The following BABAM2 variants were observed in gnomAD, a reference collection of about 807,000 sequenced individuals.
BABAM2 encodes BRISC and BRCA1 A complex member 2, also known as BRISC and BRCA1-A complex member 2.
In BABAM2, 31 loss-of-function variants were observed where a neutral mutation model predicts 54.7. That is an observed-to-expected ratio of 0.57 (90% CI 0.43 to 0.77). BABAM2 has a LOEUF of 0.77. Among genes scored for constraint, BABAM2 ranks in the 30% least tolerant of loss-of-function variants. BABAM2 has a pLI of 0.00. For missense variants in BABAM2, 364 were observed against 455.8 expected (o/e 0.80, Z 1.83); for synonymous variants, 167 against 162.9 (o/e 1.03, Z -0.19).
chr2:28,009,461 T>C (rs1302872061), intron 4 of BABAM2, among the ~76,000 whole-genome samples: 1 of 152,148 alleles, frequency 6.6e-6, no homozygotes. Context: ...AGAAACCTAG[T>C]CTGTTTGACG....
At chr2:28,272,837 T>C (rs780831267) in intron 10 of BABAM2, among the ~76,000 whole-genome samples, 28 of 152,010 alleles carry the variant, frequency 1.8e-4, no homozygotes, top group Non-Finnish European at 1.2e-4. Flanking sequence ...GTGAGGGAGC[T>C]GGGGAAGGCT....
chr2:28,013,409 G>C (rs980649200), intron 4 of BABAM2: 1 of 455,486 alleles, frequency 2.2e-6, no homozygotes, highest in Non-Finnish European at 4.4e-6. Flanking sequence ...ATTTTGAAAA[G>C]TTCAGACTTA....
At chr2:28,173,613 T>G (rs543537184) in intron 7 of BABAM2, among the ~76,000 whole-genome samples, 99 of 152,376 alleles carry the variant, frequency 6.5e-4, no homozygotes, top group African/African-American at 2.0e-3. Context: ...AGGATCACAC[T>G]GCGTGTGGCT....
At chr2:28,153,178 A>G (rs1375967133) in intron 7 of BABAM2, among the ~76,000 whole-genome samples, 1 of 152,108 alleles carries the variant, frequency 6.6e-6, no homozygotes, top group Non-Finnish European at 1.5e-5. Flanking sequence ...AGGATTTCAG[A>G]TCCTGTTCCT....
chr2:27,911,222 A>G (rs1013543718), intron 2 of BABAM2, among the ~76,000 whole-genome samples: 5 of 152,178 alleles, frequency 3.3e-5, no homozygotes, highest in African/African-American at 7.2e-5. Context: ...GAACAGACTA[A>G]TACACTAGTA....
chr2:27,981,278 T>C (rs903543822), intron 3 of BABAM2, among the ~76,000 whole-genome samples: 5 of 152,154 alleles, frequency 3.3e-5, no homozygotes, highest in Non-Finnish European at 7.4e-5. Flanking sequence ...GTAAACACTT[T>C]GTAATTTATT....
At chr2:28,318,791 T>G (rs1262503562) in intron 11 of BABAM2, among the ~76,000 whole-genome samples, 1 of 152,192 alleles carries the variant, frequency 6.6e-6, no homozygotes, top group Non-Finnish European at 1.5e-5. Context: ...CATGGTTTAA[T>G]CTGACTGTCT....
At chr2:28,138,814 T>C (rs982490996) in intron 7 of BABAM2, among the ~76,000 whole-genome samples, 1 of 152,176 alleles carries the variant, frequency 6.6e-6, no homozygotes, top group Non-Finnish European at 1.5e-5. Context: ...TTGTGTGTCG[T>C]CTCTCATGTT....
chr2:28,047,362 ACT>A (rs1447688872), intron 6 of BABAM2, among the ~76,000 whole-genome samples: 2 of 152,010 alleles, frequency 1.3e-5, no homozygotes. Flanking sequence ...TCCAGTTAAA[ACT>A]CTCTTTCAGC....
intron 4 of BABAM2, among the ~76,000 whole-genome samples, chr2:27,992,831 CCCA>C (rs1468504691): frequency 2.0e-5 from 3 of 152,176 alleles, no homozygotes; most frequent in South Asian, 4.1e-4. Context: ...TAAACACACT[CCCA>C]CCTTAGGGCC....
At chr2:28,120,681 G>A (rs895648418) in intron 6 of BABAM2, among the ~76,000 whole-genome samples, 1 of 152,224 alleles carries the variant, frequency 6.6e-6, no homozygotes, top group African/African-American at 2.4e-5. Flanking sequence ...TAGGAAGAAG[G>A]AGATCTCTAC....
At chr2:27,981,971 C>T (rs1473552192) in intron 3 of BABAM2, among the ~76,000 whole-genome samples, 1 of 152,078 alleles carries the variant, frequency 6.6e-6, no homozygotes, top group Non-Finnish European at 1.5e-5. Flanking sequence ...TGCATTCACA[C>T]CAGCAGTGTA....
intron 6 of BABAM2, among the ~76,000 whole-genome samples, chr2:28,087,637 G>A (rs1665774524): frequency 1.3e-5 from 2 of 151,988 alleles, no homozygotes; most frequent in Admixed American, 6.6e-5. Flanking sequence ...TACCTTTGGG[G>A]GCTTCCTCAA....
intron 10 of BABAM2, among the ~76,000 whole-genome samples, chr2:28,261,527 G>A (rs1205687231): frequency 6.6e-6 from 1 of 151,770 alleles, no homozygotes; most frequent in Non-Finnish European, 1.5e-5. Context: ...TAGAGACAGT[G>A]TTTCATTTCA....
At chr2:27,914,551 A>G (rs75722077) in intron 2 of BABAM2, among the ~76,000 whole-genome samples, 13 of 152,182 alleles carry the variant, frequency 8.5e-5, no homozygotes, top group Admixed American at 6.5e-4. Context: ...GACCAAGTGT[A>G]GGGTTGAGTA....
intron 6 of BABAM2, among the ~76,000 whole-genome samples, chr2:28,074,611 G>A (rs548383800): frequency 2.3e-4 from 35 of 152,212 alleles, no homozygotes; most frequent in Admixed American, 1.0e-3. Flanking sequence ...AAGTCATGCC[G>A]TATTATACTG....
chr2:27,889,843 C>T (rs142916112), upstream of BABAM2: 1,257 of 167,878 alleles, frequency 7.5e-3, 14 homozygotes, highest in African/African-American at 0.029. Context: ...TGACAAAACA[C>T]TTTACTTCAT....
chr2:28,227,344 G>C (rs1050999851), intron 7 of BABAM2, among the ~76,000 whole-genome samples: 3 of 152,050 alleles, frequency 2.0e-5, no homozygotes, highest in Admixed American at 2.0e-4. Flanking sequence ...TTTCTCAATG[G>C]GCAAAAAGCT....
rs151255043 is a variant in BABAM2, at chr2:28,333,823, C to T, written c.1089-4627C>T. 4.8e-3 allele frequency among the ~76,000 whole-genome samples: 725 copies of T among 152,344 alleles called. 4 individuals carry two copies. Among genetic ancestry groups the T allele is most frequent in the South Asian group, 0.028 (133 of 4,830 alleles). ...TTCACTATCCCCTAGAACACGCTTACACTTTTAAAGCTTACTACATACTTT... is the reference window on the plus strand; with the variant it reads ...TTCACTATCCCCTAGAACACGCTTATACTTTTAAAGCTTACTACATACTTT... On this transcript the variant is annotated intron_variant, in intron 11 of 11. Coordinates refer to ENST00000379624, the MANE Select transcript of BABAM2 (RefSeq NM_199191.3).
Sources: allele counts gnomAD v4.1 joint callset (sites outside exome capture counted in the v4.1 genomes callset), GRCh38; gene constraint gnomAD v4.1.1; transcripts MANE v1.5; gene names NCBI Gene and HGNC (gene_info 2026-07-23, HGNC 2026-07-21).